The following HDAC4 variants were observed in gnomAD, a reference collection of about 807,000 sequenced individuals.
HDAC4 encodes the protein histone deacetylase 4, also known as histone deacetylase A.
In HDAC4, 16 loss-of-function variants were observed where a neutral mutation model predicts 135.1. The observed-to-expected ratio is 0.12, with a 90% CI of 0.08 to 0.18. The LOEUF is 0.18. Ranked by LOEUF, HDAC4 falls within the 10% of genes least tolerant of loss-of-function variation. The pLI, the probability that HDAC4 is intolerant of heterozygous loss-of-function variation, is 1.00. For missense variants in HDAC4, 1,143 were observed against 1,511.8 expected, an observed-to-expected ratio of 0.76 and a Z score of 4.05; for synonymous variants, 685 against 653.4, an observed-to-expected ratio of 1.05 and a Z score of -0.74.
chr2:239,328,052 AG>A (rs2053521575), intron 2 of HDAC4, among the ~76,000 whole-genome samples: 1 of 152,194 alleles, frequency 6.6e-6, no homozygotes, highest in Admixed American at 6.5e-5. Flanking sequence ...CCCCGCCCTG[AG>A]CAATGTAAGC....
At position 239,307,340 on chromosome 2, in the gene HDAC4, C is replaced by T. The variant is rs541554545; in HGVS notation, c.22+45338G>A. On this transcript the variant is annotated intron_variant, in intron 2 of 26. Transcript: ENST00000543185. The surrounding 1 kb of genome is among the most constrained non-coding windows in gnomAD (Gnocchi z 4.8). Reference sequence around the variant, plus strand: ...GTTTAGAAGCAGAGAGCCGAGGAGCCGGAGGCCCCAACACAAGAGCGGCTC... The same window carrying T: ...GTTTAGAAGCAGAGAGCCGAGGAGCTGGAGGCCCCAACACAAGAGCGGCTC... Among the ~76,000 whole-genome samples the T allele has an allele frequency of 4.5e-4, 69 of 152,260 alleles. No individual in the cohort carries two copies. The Middle Eastern group carries it at 0.014, about 30-fold the overall frequency.
intron 2 of HDAC4, among the ~76,000 whole-genome samples, chr2:239,261,374 C>G (rs928297550): frequency 6.6e-6 from 1 of 152,190 alleles, no homozygotes; most frequent in Non-Finnish European, 1.5e-5. Context: ...CAGCAGCTGC[C>G]GTGTGCTGAG....
At chr2:239,298,859 G>A (rs913544258) in intron 2 of HDAC4, among the ~76,000 whole-genome samples, 18 of 142,084 alleles carry the variant, frequency 1.3e-4, no homozygotes, top group African/African-American at 4.8e-4. Context: ...CATGGCCATA[G>A]CCTATTTTTT....
intron 2 of HDAC4, chr2:239,298,325 G>A (rs538859189): frequency 9.0e-6 from 11 of 1,227,724 alleles, no homozygotes; most frequent in African/African-American, 3.2e-5. Context: ...TGGGCATCAC[G>A]TGGAGATGAG....
intron 2 of HDAC4, among the ~76,000 whole-genome samples, chr2:239,333,305 G>A (rs577540039): frequency 3.4e-4 from 51 of 152,182 alleles, no homozygotes; most frequent in African/African-American, 1.2e-3. Flanking sequence ...GGAAAAAAAC[G>A]TGCAATAGAG....
At chr2:239,053,278 A>C in intron 26 of HDAC4, 142 bp from the exon 27 acceptor site, 1 of 1,332,124 alleles carries the variant, frequency 7.5e-7, no homozygotes, top group East Asian at 2.3e-5. Flanking sequence ...CCATCTGTTC[A>C]GGATCTAATG....
chr2:239,104,065 G>C (rs3791399), intron 15 of HDAC4, among the ~76,000 whole-genome samples: 1 of 151,714 alleles, frequency 6.6e-6, no homozygotes, highest in Non-Finnish European at 1.5e-5. Flanking sequence ...ACGGCTTCCG[G>C]TGGTAAAAAA....
chr2:239,132,477 C>T (rs2040660482), intron 11 of HDAC4, among the ~76,000 whole-genome samples: 1 of 152,152 alleles, frequency 6.6e-6, no homozygotes, highest in African/African-American at 2.4e-5. Context: ...TTGCTGGGCA[C>T]AGGCGTAAAG....
chr2:239,307,084 C>A lies in HDAC4; in HGVS notation c.22+45594G>T, dbSNP rs981431250. On this transcript the variant is annotated intron_variant, in intron 2 of 26. Transcript: ENST00000543185. The surrounding 1 kb of genome is among the most constrained non-coding windows in gnomAD (Gnocchi z 4.8). ...CTCTGGTGAGCCCAGAGGCCCGAGT[C>A]GTCCGGATGGCCCATCTCAGGCCAC... Among the ~76,000 whole-genome samples the A allele has an allele frequency of 6.6e-6, 1 of 152,100 alleles. No individual in the cohort carries two copies. Among genetic ancestry groups the A allele is most frequent in the Admixed American group, 6.5e-5 (1 of 15,282 alleles).
At chr2:239,158,757 C>T (rs535981914) in intron 6 of HDAC4, among the ~76,000 whole-genome samples, 1 of 152,206 alleles carries the variant, frequency 6.6e-6, no homozygotes, top group African/African-American at 2.4e-5. Context: ...AGAGGGCGGC[C>T]CTCACCGTCA....
chr2:239,222,572 A>G (rs976955640), intron 3 of HDAC4, among the ~76,000 whole-genome samples: 2 of 150,882 alleles, frequency 1.3e-5, no homozygotes, highest in Non-Finnish European at 2.9e-5. Context: ...ATGTGCTTTA[A>G]GTTCTCATAC....
Position 239,285,841 on chromosome 2 carries a change from C to T in HDAC4, c.23-49177G>A, listed in dbSNP as rs1050047281. On this transcript the variant is annotated intron_variant, in intron 2 of 26. Transcript: ENST00000543185. This position sits in a 1 kb window ranked among gnomAD's most constrained non-coding sequence, Gnocchi z 4.5. ...GACCGAGGTGAGCCCAGAGCTGCAG[C>T]GTTCAGGATGCAGGGGCTGGAGTCC... is the stretch of plus-strand genomic sequence containing the variant. Among the ~76,000 whole-genome samples, 1 of 152,086 alleles carries T rather than the reference C, an allele frequency of 6.6e-6. No homozygotes were observed. Among genetic ancestry groups the T allele is most frequent in the Non-Finnish European group, 1.5e-5 (1 of 68,008 alleles).
chr2:239,064,260 G>A (rs1285536678), intron 24 of HDAC4, among the ~76,000 whole-genome samples: 1 of 152,242 alleles, frequency 6.6e-6, no homozygotes, highest in East Asian at 1.9e-4. Context: ...AATAAAGCAG[G>A]TTTGTCTCAG....
chr2:239,098,139 T>A (rs114683749), intron 16 of HDAC4, among the ~76,000 whole-genome samples: 142 of 152,330 alleles, frequency 9.3e-4, no homozygotes, highest in Non-Finnish European at 1.4e-3. Flanking sequence ...AAAGAAAAAG[T>A]ACACGATTAT....
At chr2:239,389,828 T>C (rs949198472) in intron 1 of HDAC4, among the ~76,000 whole-genome samples, 2 of 152,204 alleles carry the variant, frequency 1.3e-5, no homozygotes, top group African/African-American at 4.8e-5. Context: ...AGCCGGCTTC[T>C]GGAAGAGGCA....
At chr2:239,187,170 G>T (rs645357) in intron 4 of HDAC4, 283 of 152,638 alleles carry the variant, frequency 1.9e-3, no homozygotes, top group Non-Finnish European at 3.5e-3. Context: ...CCTGCAGGAA[G>T]GCAGGGAAGC....
chr2:239,055,518 A>C (rs1348399728), intron 24 of HDAC4, among the ~76,000 whole-genome samples: 1 of 152,194 alleles, frequency 6.6e-6, no homozygotes, highest in Non-Finnish European at 1.5e-5. Flanking sequence ...GGCGTTCCAG[A>C]CCAGCCTGGG....
chr2:239,274,597 C>A (rs1288739143), intron 2 of HDAC4, among the ~76,000 whole-genome samples: 1 of 152,248 alleles, frequency 6.6e-6, no homozygotes, highest in Non-Finnish European at 1.5e-5. Flanking sequence ...ACGAGAACCT[C>A]ATTTGCCTAC....
At position 239,068,694 on chromosome 2, in the gene HDAC4, T is replaced by C. The variant is rs1559366543; in HGVS notation, c.2751-87A>G. The C allele has an allele frequency of 9.6e-6, 11 of 1,145,064 alleles. No individual in the cohort carries two copies. The highest frequency in any genetic ancestry group is 2.3e-5 in the East Asian group (1 of 42,764). The allele number at this position is 1,145,064 out of a possible 1,614,324, so 70.9% of individuals were successfully genotyped here. Reference sequence around the variant, plus strand: ...ACCCCAAGGTTCCCTCTGGCATTGATAATGCCTGCCCCGCACCCCCTCGGC... The same window carrying C: ...ACCCCAAGGTTCCCTCTGGCATTGACAATGCCTGCCCCGCACCCCCTCGGC... On this transcript the variant is annotated intron_variant, in intron 22 of 26. Coordinates refer to ENST00000543185, the MANE Select transcript of HDAC4 (RefSeq NM_001378414.1). The surrounding 1 kb of genome is among the most constrained non-coding windows in gnomAD (Gnocchi z 4.4).
Sources: allele counts gnomAD v4.1 joint callset (sites outside exome capture counted in the v4.1 genomes callset), GRCh38; gene constraint gnomAD v4.1.1; non-coding constraint Gnocchi (gnomAD v3.1); transcripts MANE v1.5; gene names NCBI Gene and HGNC (gene_info 2026-07-23, HGNC 2026-07-21).